SBF2: variants seen among roughly 807,000 people sequenced by gnomAD.
SBF2 encodes the protein SET binding factor 2.
SBF2 carries 112 observed loss-of-function variants against 225.2 expected under a neutral mutation model. The ratio of observed to expected loss-of-function variants is 0.50; its 90% CI spans 0.43 to 0.58. The LOEUF is 0.58. SBF2 is among the 20% of genes least tolerant of loss of function. SBF2 has a pLI of 0.00. For missense variants in SBF2, 1,996 were observed against 2,206.2 expected (o/e 0.90, Z 1.91); for synonymous variants, 763 against 773.3 (o/e 0.99, Z 0.22).
At chr11:10,274,077 C>T (rs1452572336) in intron 1 of SBF2, among the ~76,000 whole-genome samples, 1 of 152,206 alleles carries the variant, frequency 6.6e-6, no homozygotes, top group Non-Finnish European at 1.5e-5. Context: ...TATTTCACTG[C>T]TGCAGCTTTG....
chr11:9,898,483 C>A (rs1038335783), intron 16 of SBF2, among the ~76,000 whole-genome samples: 2 of 152,086 alleles, frequency 1.3e-5, no homozygotes, highest in African/African-American at 4.8e-5. Context: ...CCAGCCTGGG[C>A]AACATGGTGA....
At chr11:10,291,372 G>C (rs1023957040) in intron 1 of SBF2, among the ~76,000 whole-genome samples, 3 of 152,116 alleles carry the variant, frequency 2.0e-5, no homozygotes, top group Non-Finnish European at 2.9e-5. Flanking sequence ...ACCAGACACT[G>C]AATCTGTCAG....
rs533066371 is a variant in SBF2 at position 10,060,872 on chromosome 11, C to A, written c.142-17891G>T. On this transcript the variant is annotated intron_variant, in intron 2 of 39. Transcript: ENST00000256190. ...TTAAACCCTGTCTCTACTAAAAATACAAAAAATTAGCCAGGCGTGGTAGTG... is the reference window on the plus strand; with the variant it reads ...TTAAACCCTGTCTCTACTAAAAATAAAAAAAATTAGCCAGGCGTGGTAGTG... Among the ~76,000 whole-genome samples the A allele has an allele frequency of 5.1e-4, 78 of 152,002 alleles. 1 individual carries two copies. Among genetic ancestry groups the A allele is most frequent in the African/African-American group, 1.8e-3 (76 of 41,486 alleles).
At chr11:9,967,153 C>T (rs762720526) in intron 14 of SBF2, among the ~76,000 whole-genome samples, 1 of 152,056 alleles carries the variant, frequency 6.6e-6, no homozygotes, top group East Asian at 1.9e-4. Flanking sequence ...GGGCAGATCA[C>T]GAGGTCAGGA....
chr11:10,144,836 C>A lies in SBF2; in HGVS notation c.141+49066G>T, dbSNP rs377652615. ...TGGCCCCTAATGCCTTTCCAGACTT[C>A]TCTTCTGTTACAACCTAACATCCTT... On this transcript the variant is annotated intron_variant, in intron 2 of 39. Transcript: ENST00000256190. Among the ~76,000 whole-genome samples the A allele has an allele frequency of 4.7e-4, 71 of 152,316 alleles. No homozygotes were observed. In the East Asian group the frequency reaches 0.011, roughly 24 times the overall value.
chr11:10,190,712 A>G (rs775641701), intron 2 of SBF2, among the ~76,000 whole-genome samples: 3 of 152,228 alleles, frequency 2.0e-5, no homozygotes, highest in Non-Finnish European at 4.4e-5. Flanking sequence ...TAATTTGAAT[A>G]TAATATTATA....
At chr11:9,942,571 T>C (rs1865317849) in intron 16 of SBF2, among the ~76,000 whole-genome samples, 1 of 152,224 alleles carries the variant, frequency 6.6e-6, no homozygotes, top group Admixed American at 6.5e-5. Flanking sequence ...CTTAGGAAGA[T>C]ACAGCATGGG....
Position 10,165,370 on chromosome 11 carries a change from C to A in SBF2, c.141+28532G>T, listed in dbSNP as rs151086095. 3.4e-4 allele frequency among the ~76,000 whole-genome samples: 52 copies of A among 152,242 alleles called. No homozygotes were observed. In the Middle Eastern group the frequency reaches 0.01, roughly 30 times the overall value. ...ACTTTACATTATCCAATGCCTTGCC[C>A]ATGCTTTCATGCCCTAATAGCAATA... is the stretch of plus-strand genomic sequence containing the variant. On this transcript the variant is annotated intron_variant, in intron 2 of 39. Coordinates refer to ENST00000256190, the MANE Select transcript of SBF2 (RefSeq NM_030962.4).
In SBF2 at chr11:10,031,063, A is replaced by G. The variant is rs1590797444; in HGVS notation, c.387T>C (p.Tyr129=). The G allele has an allele frequency of 1.9e-6, 3 of 1,612,744 alleles. No homozygotes were observed. Among genetic ancestry groups the G allele is most frequent in the Admixed American group, 3.3e-5 (2 of 60,018 alleles). ...KSLVLVSRLY[Y]PEIFRACLGL... is the part of the protein sequence containing the mutation. ...TGTTCTTTACCCTAAAAATTTCTGG[A>G]TAATATAATCTGGATACCAACACCA... Residue 129 remains tyrosine, a synonymous_variant, in exon 4 of 40, where the codon TAT becomes TAC. Transcript: ENST00000256190.
At chr11:9,806,841 T>A (rs1853881285) in intron 32 of SBF2, among the ~76,000 whole-genome samples, 1 of 152,198 alleles carries the variant, frequency 6.6e-6, no homozygotes, top group Admixed American at 6.5e-5. Context: ...TTACAAAACT[T>A]TGTGAATGGA....
intron 1 of SBF2, among the ~76,000 whole-genome samples, chr11:10,237,806 G>A (rs1248756054): frequency 1.3e-5 from 2 of 152,114 alleles, no homozygotes; most frequent in Non-Finnish European, 2.9e-5. Flanking sequence ...AACCACCACT[G>A]ATCGGCCTTC....
intron 2 of SBF2, among the ~76,000 whole-genome samples, chr11:10,051,172 A>G (rs1950047614): frequency 6.6e-6 from 1 of 152,168 alleles, no homozygotes; most frequent in Non-Finnish European, 1.5e-5. Context: ...CAAGACCTTC[A>G]TCTGCATCCA....
intron 1 of SBF2, among the ~76,000 whole-genome samples, chr11:10,196,568 C>A (rs928618256): frequency 6.6e-6 from 1 of 151,492 alleles, no homozygotes; most frequent in Non-Finnish European, 1.5e-5. Flanking sequence ...TTGTAGAGAC[C>A]GGGTTTCGCC....
At position 9,789,121 on chromosome 11, in the gene SBF2, G is replaced by A. The variant is rs1222175198; in HGVS notation, c.4920C>T (p.Thr1640=). 5 of 1,613,970 alleles carry A rather than the reference G, an allele frequency of 3.1e-6. No individual in the cohort carries two copies. The highest frequency in any genetic ancestry group is 4.2e-6 in the Non-Finnish European group (5 of 1,179,982). ...DVSCTQPDAL[T]SLFSEIEKLE... is the part of the protein sequence containing the mutation. The stretch of plus-strand genomic sequence containing the variant: ...ACAGTTGACTTACACTGAAAAGGCT[G>A]GTGAGAGCATCAGGCTGAGTACAGC... Residue 1640 remains threonine (T), a synonymous_variant, in exon 35 of 40, where the codon ACC becomes ACT. Transcript: ENST00000256190.
intron 17 of SBF2, among the ~76,000 whole-genome samples, chr11:9,875,528 T>TG (rs1859154377): frequency 1.3e-5 from 2 of 152,126 alleles, no homozygotes; most frequent in African/African-American, 4.8e-5. Flanking sequence ...TAACCGAATA[T>TG]GAAAGAAGGC....
chr11:10,176,621 C>A (rs1478392822), intron 2 of SBF2, among the ~76,000 whole-genome samples: 1 of 152,150 alleles, frequency 6.6e-6, no homozygotes, highest in African/African-American at 2.4e-5. Flanking sequence ...GACATATACA[C>A]CCTCCCAAGA....
In SBF2 at chr11:10,214,457, A is replaced by T. The variant is rs374950302; in HGVS notation, c.56-20470T>A. On this transcript the variant is annotated intron_variant, in intron 1 of 39. Coordinates refer to ENST00000256190, the MANE Select transcript of SBF2 (RefSeq NM_030962.4). ...GCTAACACGGTGAAACCCCATCTCT[A>T]CTAAAAATACAAAAAATTAGCCAAG... 2.1e-4 allele frequency among the ~76,000 whole-genome samples: 32 copies of T among 152,254 alleles called. No individual in the cohort carries two copies. In the South Asian group the frequency reaches 6.4e-3, roughly 31 times the overall value.
chr11:10,267,598 C>CT (rs1320875295), intron 1 of SBF2, among the ~76,000 whole-genome samples: 26 of 150,910 alleles, frequency 1.7e-4, no homozygotes, highest in African/African-American at 5.1e-4. Flanking sequence ...TCTTTTCTTT[C>CT]TTTTTTTTTG....
intron 17 of SBF2, among the ~76,000 whole-genome samples, chr11:9,871,624 T>C (rs1024092866): frequency 6.6e-6 from 1 of 151,952 alleles, no homozygotes; most frequent in Admixed American, 6.6e-5. Flanking sequence ...CCCAAGTAGC[T>C]GGGACTACAG....
Sources: gnomAD v4.1 joint callset for allele counts (sites outside exome capture counted in the v4.1 genomes callset) on GRCh38, gnomAD v4.1.1 for gene constraint, MANE v1.5 for transcripts, NCBI Gene and HGNC (gene_info 2026-07-23, HGNC 2026-07-21) for gene names.